The following SFSWAP variants were observed in gnomAD, a reference collection of about 807,000 sequenced individuals.
SFSWAP encodes splicing factor, suppressor of white-apricot homolog.
SFSWAP carries 17 observed loss-of-function variants against 100.7 expected under a neutral mutation model. That is an observed-to-expected ratio of 0.17 (90% CI 0.12 to 0.25). The LOEUF (loss-of-function observed/expected upper bound fraction) is 0.25. SFSWAP is among the 10% of genes least tolerant of loss of function. The pLI, the probability that SFSWAP is intolerant of heterozygous loss-of-function variation, is 1.00. For synonymous variants in SFSWAP, 504 were observed against 510.1 expected (o/e 0.99, Z 0.16); for missense variants, 1,005 against 1,262.6 (o/e 0.80, Z 3.09).
At chr12:131,779,346 A>G (rs986726835) in intron 14 of SFSWAP, among the ~76,000 whole-genome samples, 9 of 151,864 alleles carry the variant, frequency 5.9e-5, no homozygotes, top group Non-Finnish European at 1.0e-4. Flanking sequence ...CCCTCCCTCC[A>G]GGAGTCACTA....
chr12:131,785,315 G>C (rs897736477), intron 14 of SFSWAP: 6 of 1,285,942 alleles, frequency 4.7e-6, no homozygotes, highest in Admixed American at 2.1e-5. Flanking sequence ...GTCCGTTAAA[G>C]GGCAGCCACT....
At chr12:131,747,431 GGATGGGACAGC>G (rs945303247) in intron 7 of SFSWAP, among the ~76,000 whole-genome samples, 3 of 152,234 alleles carry the variant, frequency 2.0e-5, no homozygotes, top group African/African-American at 7.2e-5. Context: ...GCAGGATGGG[GGATGGGACAGC>G]AATGGGACAT....
chr12:131,795,396 TC>T (rs1262851080), intron 15 of SFSWAP, among the ~76,000 whole-genome samples: 1 of 151,862 alleles, frequency 6.6e-6, no homozygotes, highest in Non-Finnish European at 1.5e-5. Context: ...AAACGCTCAG[TC>T]CCCCCCTGCA....
At chr12:131,756,445 A>T (rs1476985296) in intron 10 of SFSWAP, 28 bp from the exon 11 acceptor site, 1 of 1,605,606 alleles carries the variant, frequency 6.2e-7, no homozygotes, top group East Asian at 2.2e-5. Context: ...TTTCCTGCTG[A>T]CAGTTTATAG....
chr12:131,781,590 C>A (rs1370308791), intron 14 of SFSWAP, among the ~76,000 whole-genome samples: 1 of 152,188 alleles, frequency 6.6e-6, no homozygotes, highest in African/African-American at 2.4e-5. Flanking sequence ...AAATCCTACT[C>A]ATTTGTTTGT....
At chr12:131,757,553 G>T in intron 11 of SFSWAP, 1 of 153,084 alleles carries the variant, frequency 6.5e-6, no homozygotes. Context: ...TGTGACAGGT[G>T]TGGCAGTGGG....
chr12:131,752,363 CG>C (rs1593148443), intron 7 of SFSWAP, among the ~76,000 whole-genome samples: 1 of 152,184 alleles, frequency 6.6e-6, no homozygotes, highest in East Asian at 1.9e-4. Context: ...TTCTGTGATT[CG>C]TGGTTCTGAA....
At chr12:131,721,100 TC>T (rs1370333196) in intron 4 of SFSWAP, among the ~76,000 whole-genome samples, 3 of 152,070 alleles carry the variant, frequency 2.0e-5, no homozygotes, top group African/African-American at 7.2e-5. Flanking sequence ...CTACACACTT[TC>T]AAATGACCAG....
chr12:131,771,227 A>G (rs1863058046), intron 13 of SFSWAP, among the ~76,000 whole-genome samples: 1 of 152,186 alleles, frequency 6.6e-6, no homozygotes, highest in African/African-American at 2.4e-5. Flanking sequence ...ATCAATGCTT[A>G]CAGTAGTGTT....
intron 4 of SFSWAP, among the ~76,000 whole-genome samples, chr12:131,722,430 G>T (rs572815074): frequency 6.6e-6 from 1 of 152,172 alleles, no homozygotes; most frequent in South Asian, 2.1e-4. Flanking sequence ...CAGTGTGGTG[G>T]CACGTGCCTG....
chr12:131,751,071 C>T (rs970721574), intron 7 of SFSWAP, among the ~76,000 whole-genome samples: 2 of 152,064 alleles, frequency 1.3e-5, no homozygotes, highest in Admixed American at 1.3e-4. Flanking sequence ...TTTAACACTT[C>T]GTTTTTATTT....
At position 131,764,306 on chromosome 12, in the gene SFSWAP, C is replaced by T. The variant is rs113045560; in HGVS notation, c.1721-150C>T. 1,506 of 647,828 alleles carry T rather than the reference C, an allele frequency of 2.3e-3. 19 individuals are homozygous for T. In the African/African-American group the frequency reaches 0.024, roughly 10 times the overall value. The allele number at this position is 647,828 out of a possible 1,614,324, so 40.1% of individuals were successfully genotyped here. On this transcript the variant is annotated intron_variant, in intron 11 of 17. Transcript: ENST00000261674. ...GCACATCTGCACAGGTCTGCTCTGA[C>T]GGCACGGCGTCCCCCACCGTAGACC...
chr12:131,715,722 GAAC>G (rs1877841327), intron 3 of SFSWAP, among the ~76,000 whole-genome samples: 1 of 151,970 alleles, frequency 6.6e-6, no homozygotes, highest in African/African-American at 2.4e-5. Context: ...AAAAGAAGAA[GAAC>G]ATTAACTTAG....
intron 15 of SFSWAP, among the ~76,000 whole-genome samples, chr12:131,795,095 C>G (rs921559694): frequency 1.3e-5 from 2 of 152,238 alleles, no homozygotes; most frequent in African/African-American, 2.4e-5. Flanking sequence ...ATGACTCTTT[C>G]GTGCAGGTCC....
intron 7 of SFSWAP, among the ~76,000 whole-genome samples, chr12:131,745,777 A>C (rs1881047678): frequency 6.6e-6 from 1 of 151,992 alleles, no homozygotes. Context: ...TGGCAAAAAA[A>C]AAAAGGTAGT....
At chr12:131,776,840 G>C (rs1884063545) in intron 13 of SFSWAP, among the ~76,000 whole-genome samples, 1 of 152,246 alleles carries the variant, frequency 6.6e-6, no homozygotes, top group Non-Finnish European at 1.5e-5. Flanking sequence ...AGTGAGGAGA[G>C]AGTGAGCTTT....
intron 15 of SFSWAP, among the ~76,000 whole-genome samples, chr12:131,791,534 C>T (rs1392935821): frequency 1.3e-5 from 2 of 152,050 alleles, no homozygotes; most frequent in East Asian, 1.9e-4. Flanking sequence ...AGGTGGATCA[C>T]GAGGTCAGGA....
Position 131,791,379 on chromosome 12 carries a change from ACT to A in SFSWAP, c.2534+4794_2534+4795del, listed in dbSNP as rs745347015. 1.5e-4 allele frequency among the ~76,000 whole-genome samples: 23 copies of A among 151,358 alleles called. 1 individual carries two copies. The highest frequency in any genetic ancestry group is 2.8e-4 in the Non-Finnish European group (19 of 67,892). On this transcript the variant is annotated intron_variant, in intron 15 of 17. Coordinates refer to ENST00000261674, the MANE Select transcript of SFSWAP (RefSeq NM_004592.4). ...ACTCCAGCCTGGGTGACAAAGTGAG[ACT>A]CTATCTCAAAGAAAAATAAACGAAA... is the stretch of plus-strand genomic sequence containing the variant.
chr12:131,711,530 G>C lies in SFSWAP; in HGVS notation c.218+83G>C. On this transcript the variant is annotated intron_variant, in intron 1 of 17. Coordinates refer to ENST00000261674, the MANE Select transcript of SFSWAP (RefSeq NM_004592.4). This position sits in a 1 kb window ranked among gnomAD's most constrained non-coding sequence, Gnocchi z 4.9. ...TGATGTTGACTTGACTGCAAGGACT[G>C]CAGAGAGTTTTCTGGAGCCAGCGGG... 1 of 1,204,560 alleles carries C rather than the reference G, an allele frequency of 8.3e-7. No individual in the cohort carries two copies. The highest frequency in any genetic ancestry group is 1.2e-6 in the Non-Finnish European group (1 of 834,942). 74.6% of individuals were successfully genotyped at this position (1,204,560 alleles called of 1,614,324 possible).
Sources: allele counts gnomAD v4.1 joint callset (sites outside exome capture counted in the v4.1 genomes callset), GRCh38; gene constraint gnomAD v4.1.1; non-coding constraint Gnocchi (gnomAD v3.1); transcripts MANE v1.5; gene names NCBI Gene and HGNC (gene_info 2026-07-23, HGNC 2026-07-21).